Variants in CCNY observed in about 807,000 individuals in gnomAD.
The protein encoded by CCNY is cyclin-Y.
A neutral mutation model predicts 42.8 loss-of-function variants in CCNY; 19 were observed. The ratio of observed to expected loss-of-function variants is 0.44; its 90% CI spans 0.31 to 0.65. CCNY has a LOEUF of 0.65. CCNY is among the 30% of genes least tolerant of loss of function. CCNY has a pLI of 0.07. For synonymous variants in CCNY, 165 were observed against 162.7 expected (o/e 1.01, Z -0.11); for missense variants, 370 against 437.3 (o/e 0.85, Z 1.37).
At chr10:35,451,697 C>T (rs754064444) in intron 1 of CCNY, among the ~76,000 whole-genome samples, 1 of 152,228 alleles carries the variant, frequency 6.6e-6, no homozygotes. Context: ...AGGCCAGTCC[C>T]CCATAGTGCC....
chr10:35,259,672 G>GTTTTTT (rs1202854456), intron 3 of CCNY, among the ~76,000 whole-genome samples: 1 of 86,340 alleles, frequency 1.2e-5, no homozygotes, highest in Non-Finnish European at 2.1e-5. Context: ...CTGGCTAATT[G>GTTTTTT]TTTTTTTTTT....
intron 1 of CCNY, among the ~76,000 whole-genome samples, chr10:35,443,641 C>T (rs1838722890): frequency 6.6e-6 from 1 of 152,126 alleles, no homozygotes; most frequent in African/African-American, 2.4e-5. Context: ...AAAATTTACT[C>T]AAAGACCTGT....
intron 1 of CCNY, among the ~76,000 whole-genome samples, chr10:35,421,115 G>T (rs1838150545): frequency 6.6e-6 from 1 of 152,218 alleles, no homozygotes; most frequent in African/African-American, 2.4e-5. Flanking sequence ...GTAGGACGAG[G>T]TTCAAAGGAC....
At chr10:35,468,419 G>A (rs551862811) in intron 1 of CCNY, among the ~76,000 whole-genome samples, 12 of 152,306 alleles carry the variant, frequency 7.9e-5, no homozygotes, top group African/African-American at 2.9e-4. Flanking sequence ...GTGTATATGT[G>A]TGTGTCTCTA....
upstream of CCNY, among the ~76,000 whole-genome samples, chr10:35,333,035 G>A (rs1255756028): frequency 6.6e-6 from 1 of 151,938 alleles, no homozygotes; most frequent in African/African-American, 2.4e-5. Context: ...GTAGATCCAG[G>A]TCAATTTTTT....
intron 3 of CCNY, among the ~76,000 whole-genome samples, chr10:35,323,292 T>C (rs573799413): frequency 1.3e-5 from 2 of 152,286 alleles, no homozygotes; most frequent in Non-Finnish European, 2.9e-5. Flanking sequence ...TCCTAGATAT[T>C]TACCCAAGAG....
chr10:35,306,446 TG>T (rs1835607342), intron 3 of CCNY, among the ~76,000 whole-genome samples: 1 of 152,234 alleles, frequency 6.6e-6, no homozygotes, highest in African/African-American at 2.4e-5. Flanking sequence ...GAGGCCTGCC[TG>T]GGTTTCCACC....
At chr10:35,488,123 CA>C (rs1178438013) in intron 2 of CCNY, among the ~76,000 whole-genome samples, 3 of 152,186 alleles carry the variant, frequency 2.0e-5, no homozygotes, top group Non-Finnish European at 4.4e-5. Flanking sequence ...CTGTGTTTCT[CA>C]GGAGTCCCTT....
At chr10:35,367,077 T>C (rs1304279525) in intron 1 of CCNY, among the ~76,000 whole-genome samples, 2 of 152,248 alleles carry the variant, frequency 1.3e-5, no homozygotes, top group Non-Finnish European at 2.9e-5. Context: ...GAAATGATGT[T>C]ACCATGCTGA....
intron 5 of CCNY, among the ~76,000 whole-genome samples, chr10:35,527,292 C>T (rs1840672414): frequency 6.6e-6 from 1 of 152,202 alleles, no homozygotes; most frequent in Non-Finnish European, 1.5e-5. Flanking sequence ...ACCTTTTAAA[C>T]TTGTAAGGCT....
At chr10:35,561,703 C>T (rs1841470265) in intron 8 of CCNY, among the ~76,000 whole-genome samples, 1 of 152,226 alleles carries the variant, frequency 6.6e-6, no homozygotes. Flanking sequence ...AGGCTAATCT[C>T]CTGCTCAAGA....
chr10:35,269,812 T>C (rs1247040586), intron 3 of CCNY, among the ~76,000 whole-genome samples: 2 of 151,950 alleles, frequency 1.3e-5, no homozygotes, highest in East Asian at 3.9e-4. Flanking sequence ...GTATTTTTAG[T>C]AGAGATGGGG....
chr10:35,291,633 T>C (rs1422609921), intron 3 of CCNY, among the ~76,000 whole-genome samples: 1 of 151,116 alleles, frequency 6.6e-6, no homozygotes, highest in East Asian at 2.0e-4. Flanking sequence ...CGGGTCCTGG[T>C]TCAAGCTGTT....
At chr10:35,429,553 A>G (rs1838339707) in intron 1 of CCNY, among the ~76,000 whole-genome samples, 3 of 152,236 alleles carry the variant, frequency 2.0e-5, no homozygotes, top group Admixed American at 6.5e-5. Context: ...TAGTAGGCAA[A>G]TTATTTAAAC....
chr10:35,289,962 A>T (rs1219462605), intron 3 of CCNY, among the ~76,000 whole-genome samples: 1 of 151,098 alleles, frequency 6.6e-6, no homozygotes, highest in Non-Finnish European at 1.5e-5. Context: ...GTGGTGGCTT[A>T]TGCCTGTAAT....
intron 3 of CCNY, among the ~76,000 whole-genome samples, chr10:35,514,075 C>CAAAAAAAAA (rs11451104): frequency 1.6e-4 from 12 of 76,180 alleles, no homozygotes; most frequent in East Asian, 7.9e-4. Context: ...AGGACCAGTT[C>CAAAAAAAAA]AAAAAAAAAA....
intron 3 of CCNY, among the ~76,000 whole-genome samples, chr10:35,284,116 G>T (rs1057208022): frequency 1.4e-4 from 21 of 152,058 alleles, no homozygotes; most frequent in Non-Finnish European, 1.5e-5. Flanking sequence ...ATAAAAAATA[G>T]CTTAATTGAG....
At chr10:35,482,964 A>G (rs1307791043) in intron 1 of CCNY, among the ~76,000 whole-genome samples, 3 of 152,208 alleles carry the variant, frequency 2.0e-5, no homozygotes, top group Non-Finnish European at 2.9e-5. Flanking sequence ...ATAATTAAGC[A>G]GAGTATGTGG....
chr10:35,560,312 C>T (rs1039646675), intron 8 of CCNY, among the ~76,000 whole-genome samples: 2 of 152,198 alleles, frequency 1.3e-5, no homozygotes, highest in African/African-American at 4.8e-5. Context: ...AATTCACATG[C>T]AAAGCCCTCC....
Sources: allele counts gnomAD v4.1 joint callset (sites outside exome capture counted in the v4.1 genomes callset), GRCh38; gene constraint gnomAD v4.1.1; transcripts MANE v1.5; gene names NCBI Gene and HGNC (gene_info 2026-07-23, HGNC 2026-07-21).